CDKL5: variants seen among roughly 807,000 people sequenced by gnomAD.
CDKL5 encodes the protein cyclin-dependent kinase-like 5.
CDKL5 carries 8 observed loss-of-function variants against 61.7 expected under a neutral mutation model. The ratio of observed to expected loss-of-function variants is 0.13; its 90% CI spans 0.08 to 0.23. The LOEUF (loss-of-function observed/expected upper bound fraction) is 0.23, where lower values mean the gene tolerates loss of function less well. CDKL5 is among the 10% of genes least tolerant of loss of function. The pLI, the probability that CDKL5 is intolerant of heterozygous loss-of-function variation, is 1.00. For missense variants in CDKL5, 440 were observed against 734.5 expected (o/e 0.60, Z 4.63); for synonymous variants, 275 against 272.3 (o/e 1.01, Z -0.10).
intron 4 of CDKL5, among the ~76,000 whole-genome samples, chrX:18,571,054 A>G (rs746734614): frequency 8.1e-5 from 9 of 111,777 alleles, no homozygotes; most frequent in Non-Finnish European, 1.5e-4. Flanking sequence ...CAGTTATCAC[A>G]TAGAAGTATG....
At chrX:18,591,577 G>A (rs1305721373) in intron 9 of CDKL5, among the ~76,000 whole-genome samples, 2 of 111,141 alleles carry the variant, frequency 1.8e-5, no homozygotes, top group African/African-American at 6.5e-5. Flanking sequence ...ACCTCTACAA[G>A]GTTACTGATA....
intron 21 of CDKL5, among the ~76,000 whole-genome samples, chrX:18,652,925 T>C (rs1928112614): frequency 8.9e-6 from 1 of 112,663 alleles, no homozygotes; most frequent in South Asian, 3.6e-4. Context: ...CCTTTTTACT[T>C]TAGTGGCTAC....
chrX:18,441,226 G>C (rs1471553248), intron 1 of CDKL5, among the ~76,000 whole-genome samples: 11 of 111,073 alleles, frequency 9.9e-5, no homozygotes, highest in Non-Finnish European at 2.1e-4. Flanking sequence ...GACCAGCCTG[G>C]GCAACATGGT....
intron 1 of CDKL5, among the ~76,000 whole-genome samples, chrX:18,441,308 A>G (rs1037978255): frequency 9.0e-6 from 1 of 110,816 alleles, no homozygotes; most frequent in Non-Finnish European, 1.9e-5. Context: ...CCCGCTACTC[A>G]GGAGGCTGAG....
rs1602287049 is a variant in CDKL5 at position 18,604,874 on chromosome X, G to A, written c.1944+6G>A. ...TGCAACTCTTGTCACCCCAGGTACA[G>A]TTGAGCACCTTGACTGAATCTGGTG... On this transcript the variant is annotated splice_donor_region_variant and intron_variant, in intron 12 of 17. Transcript: ENST00000623535. 8.3e-7 allele frequency: 1 copy of A among 1,211,449 alleles called. No homozygotes were observed. The highest frequency in any genetic ancestry group is 3.0e-5 in the East Asian group (1 of 33,832).
chrX:18,650,750 G>A (rs904087104), intron 21 of CDKL5, among the ~76,000 whole-genome samples: 2 of 112,656 alleles, frequency 1.8e-5, no homozygotes, highest in Admixed American at 1.9e-4. Flanking sequence ...GTAATGGGCA[G>A]TCAAGGTCAA....
chrX:18,605,572 A>G lies in CDKL5; in HGVS notation c.1944+704A>G, dbSNP rs767726072. Among the ~76,000 whole-genome samples, 3 of 111,847 alleles carry G rather than the reference A, an allele frequency of 2.7e-5. No individual in the cohort carries two copies. In the South Asian group the frequency reaches 1.1e-3, roughly 42 times the overall value. The stretch of plus-strand genomic sequence containing the variant: ...CACTGCACTCCAGCCTGGGCAATAG[A>G]ACGAGACTCTGTCTCAAAAACAAAA... On this transcript the variant is annotated intron_variant, in intron 12 of 17. Coordinates refer to ENST00000623535, the MANE Select transcript of CDKL5 (RefSeq NM_001323289.2).
At chrX:18,568,922 T>TG (rs766715265) in intron 4 of CDKL5, among the ~76,000 whole-genome samples, 61 of 111,358 alleles carry the variant, frequency 5.5e-4, no homozygotes, top group African/African-American at 1.8e-3. Flanking sequence ...CTCAAACTCC[T>TG]GGGATCAAGA....
intron 5 of CDKL5, among the ~76,000 whole-genome samples, chrX:18,576,872 C>T (rs943968700): frequency 9.5e-6 from 1 of 105,685 alleles, no homozygotes; most frequent in African/African-American, 3.5e-5. Context: ...CCAGGGGAAA[C>T]CAGATGCTCT....
chrX:18,541,742 A>T (rs1431646598), intron 3 of CDKL5, among the ~76,000 whole-genome samples: 3 of 110,189 alleles, frequency 2.7e-5, no homozygotes, highest in African/African-American at 6.6e-5. Flanking sequence ...CTCGTCTCCA[A>T]CTCCTGGACT....
Position 18,551,933 on chromosome X carries a change from C to T in CDKL5, c.100-12544C>T, listed in dbSNP as rs1189404564. Reference sequence around the variant, plus strand: ...ATAGAAAAGCAGATCTAATATGTCTCCTAGGGAATCTGTCCTTAAAAAAAC... The same window carrying T: ...ATAGAAAAGCAGATCTAATATGTCTTCTAGGGAATCTGTCCTTAAAAAAAC... On this transcript the variant is annotated intron_variant, in intron 3 of 17. Transcript: ENST00000623535. Among the ~76,000 whole-genome samples the T allele has an allele frequency of 3.7e-5, 4 of 109,491 alleles. No individual in the cohort carries two copies. The Admixed American group carries it at 3.9e-4, about 11-fold the overall frequency.
intron 21 of CDKL5, among the ~76,000 whole-genome samples, chrX:18,651,279 G>C (rs1281961356): frequency 9.2e-6 from 1 of 108,913 alleles, no homozygotes; most frequent in Admixed American, 1.0e-4. Context: ...GAGAGAGAGA[G>C]AGAGAGAGAC....
chrX:18,553,476 G>T (rs1264288080), intron 3 of CDKL5, among the ~76,000 whole-genome samples: 2 of 102,490 alleles, frequency 2.0e-5, no homozygotes, highest in African/African-American at 3.8e-5. Context: ...GTGTGTGTGT[G>T]TGTGTGTGTG....
At chrX:18,607,961 T>C in intron 12 of CDKL5, among the ~76,000 whole-genome samples, 1 of 112,120 alleles carries the variant, frequency 8.9e-6, no homozygotes, top group Non-Finnish European at 1.9e-5. Context: ...AAAATGTTTT[T>C]GATATGTCAC....
intron 17 of CDKL5, 82 bp downstream of exon 17, chrX:18,625,329 A>C: frequency 1.1e-5 from 12 of 1,062,459 alleles, no homozygotes; most frequent in Non-Finnish European, 1.6e-5. Flanking sequence ...GCTAGAGAAA[A>C]CTTAGCCTCT....
At chrX:18,571,140 G>C (rs1379824614) in intron 4 of CDKL5, among the ~76,000 whole-genome samples, 1 of 111,322 alleles carries the variant, frequency 9.0e-6, no homozygotes, top group Non-Finnish European at 1.9e-5. Flanking sequence ...CAGGCTCAAA[G>C]TTGCATAGCG....
At chrX:18,513,939 T>A (rs1442242264) in intron 3 of CDKL5, among the ~76,000 whole-genome samples, 1 of 112,099 alleles carries the variant, frequency 8.9e-6, no homozygotes, top group African/African-American at 3.2e-5. Context: ...TGCATACCTT[T>A]AAAAATTTAG....
Position 18,585,006 on chromosome X carries a change from G to A in CDKL5, c.554+653G>A, listed in dbSNP as rs145274509. ...AAGAATGTGAATATCCACACAGTTT[G>A]ACATTCTGGCTTATCTATTTGTTCA... is the stretch of plus-strand genomic sequence containing the variant. On this transcript the variant is annotated intron_variant, in intron 8 of 17. Transcript: ENST00000623535. Among the ~76,000 whole-genome samples the A allele has an allele frequency of 5.3e-5, 6 of 112,222 alleles. No homozygotes were observed. The East Asian group carries it at 1.7e-3, about 31-fold the overall frequency.
At chrX:18,498,880 G>A (rs939160818) in intron 1 of CDKL5, among the ~76,000 whole-genome samples, 1 of 111,174 alleles carries the variant, frequency 9.0e-6, no homozygotes, top group East Asian at 2.8e-4. Flanking sequence ...TGTGATTCTC[G>A]TGCCTCAGCC....
Sources: gnomAD v4.1 joint callset for allele counts (sites outside exome capture counted in the v4.1 genomes callset) on GRCh38, gnomAD v4.1.1 for gene constraint, MANE v1.5 for transcripts, NCBI Gene and HGNC (gene_info 2026-07-23, HGNC 2026-07-21) for gene names.